The following TRABD2A variants were observed in gnomAD, a reference collection of about 807,000 sequenced individuals.
TRABD2A encodes metalloprotease TIKI1.
A neutral mutation model predicts 45.6 loss-of-function variants in TRABD2A; 43 were observed. That is an observed-to-expected ratio of 0.94 (90% CI 0.74 to 1.22). The LOEUF is 1.22. Ranked by LOEUF, TRABD2A falls within the 50% of genes most tolerant of loss-of-function variation. TRABD2A has a pLI of 0.00. For synonymous variants in TRABD2A, 269 were observed against 265.0 expected (o/e 1.02, Z -0.15); for missense variants, 642 against 652.4 (o/e 0.98, Z 0.17).
chr2:84,857,336 G>A (rs1268213517), intron 2 of TRABD2A, among the ~76,000 whole-genome samples: 4 of 152,158 alleles, frequency 2.6e-5, no homozygotes, highest in Non-Finnish European at 4.4e-5. Flanking sequence ...AACTTTTACT[G>A]CTTGGTAGGT....
At chr2:84,829,390 A>ACACAC (rs745663799) in intron 5 of TRABD2A, among the ~76,000 whole-genome samples, 12 of 108,698 alleles carry the variant, frequency 1.1e-4, no homozygotes, top group Non-Finnish European at 1.1e-4. Context: ...ACACACACAC[A>ACACAC]CACACACACC....
intron 5 of TRABD2A, among the ~76,000 whole-genome samples, chr2:84,826,557 G>A (rs1009623858): frequency 6.6e-6 from 1 of 152,184 alleles, no homozygotes; most frequent in African/African-American, 2.4e-5. Context: ...TTTTGAGATG[G>A]AGTCTTGCTC....
intron 2 of TRABD2A, among the ~76,000 whole-genome samples, chr2:84,864,272 C>G (rs561661983): frequency 6.6e-6 from 1 of 152,134 alleles, no homozygotes; most frequent in Non-Finnish European, 1.5e-5. Flanking sequence ...AGGCCCTTTG[C>G]TTTGAGTTAA....
At chr2:84,857,468 C>T (rs1396545643) in intron 2 of TRABD2A, among the ~76,000 whole-genome samples, 1 of 152,210 alleles carries the variant, frequency 6.6e-6, no homozygotes, top group Non-Finnish European at 1.5e-5. Context: ...ATAACCCACC[C>T]TTAACCGCAT....
intron 4 of TRABD2A, chr2:84,837,520 G>A (rs1201839146): frequency 6.6e-6 from 1 of 152,160 alleles, no homozygotes; most frequent in African/African-American, 2.4e-5. Flanking sequence ...CTTAGTCCCA[G>A]GTGCATTGTT....
At chr2:84,846,745 G>A in intron 2 of TRABD2A, among the ~76,000 whole-genome samples, 1 of 152,210 alleles carries the variant, frequency 6.6e-6, no homozygotes, top group South Asian at 2.1e-4. Context: ...GTTAAGCAAG[G>A]CAAAGCCCTC....
intron 1 of TRABD2A, among the ~76,000 whole-genome samples, chr2:84,878,342 T>G (rs576174026): frequency 1.3e-5 from 2 of 152,082 alleles, no homozygotes; most frequent in African/African-American, 2.4e-5. Flanking sequence ...CTGCTCAAGA[T>G]AGTGGAACCC....
intron 2 of TRABD2A, among the ~76,000 whole-genome samples, chr2:84,857,747 G>A (rs540817722): frequency 1.3e-5 from 2 of 152,230 alleles, no homozygotes; most frequent in Non-Finnish European, 2.9e-5. Flanking sequence ...TGACGGCCCG[G>A]GATCCCAGCA....
chr2:84,829,363 A>AACACACACACACAC (rs146287038), intron 5 of TRABD2A, among the ~76,000 whole-genome samples: 2 of 145,614 alleles, frequency 1.4e-5, no homozygotes, highest in Admixed American at 6.9e-5. Context: ...AACAACCAGC[A>AACACACACACACAC]ACACACACAC....
At chr2:84,878,391 G>A (rs1244250333) in intron 1 of TRABD2A, among the ~76,000 whole-genome samples, 1 of 152,146 alleles carries the variant, frequency 6.6e-6, no homozygotes, top group Non-Finnish European at 1.5e-5. Flanking sequence ...CGGGCTTGGT[G>A]GTGGGCGCCT....
chr2:84,824,238 G>C, intron 5 of TRABD2A, 34 bp from the exon 6 acceptor site: 1 of 1,612,304 alleles, frequency 6.2e-7, no homozygotes, highest in Non-Finnish European at 8.5e-7. Flanking sequence ...GTATTTGGAG[G>C]AGGGTCACAC....
At chr2:84,854,123 TAAC>T (rs1269004318) in intron 2 of TRABD2A, among the ~76,000 whole-genome samples, 2 of 151,538 alleles carry the variant, frequency 1.3e-5, no homozygotes, top group African/African-American at 4.8e-5. Context: ...AAATACAGTA[TAAC>T]AACTATTTAC....
At chr2:84,822,151 C>A (rs971786614) in intron 6 of TRABD2A, 51 bp from the exon 7 acceptor site, 10 of 1,469,102 alleles carry the variant, frequency 6.8e-6, no homozygotes, top group Non-Finnish European at 8.2e-6. Flanking sequence ...GAAACCACTG[C>A]ACACGCCAAG....
At chr2:84,853,506 C>CA (rs913337088) in intron 2 of TRABD2A, among the ~76,000 whole-genome samples, 4 of 152,160 alleles carry the variant, frequency 2.6e-5, no homozygotes, top group African/African-American at 9.7e-5. Flanking sequence ...CCCCATGATT[C>CA]AATTACCTCC....
At chr2:84,865,476 A>G (rs1682646258) in intron 2 of TRABD2A, among the ~76,000 whole-genome samples, 1 of 152,204 alleles carries the variant, frequency 6.6e-6, no homozygotes, top group Admixed American at 6.5e-5. Flanking sequence ...GCCTCTTAGG[A>G]TGTTGAAAGC....
At chr2:84,873,737 T>G (rs1202759394) in intron 1 of TRABD2A, among the ~76,000 whole-genome samples, 1 of 152,208 alleles carries the variant, frequency 6.6e-6, no homozygotes, top group Non-Finnish European at 1.5e-5. Flanking sequence ...AGGTAAGAAT[T>G]ATTACCTACA....
In TRABD2A at chr2:84,821,794, C is replaced by T; in HGVS notation, c.*123G>A. The T allele has an allele frequency of 9.4e-7, 1 of 1,060,180 alleles. No homozygotes were observed. The highest frequency in any genetic ancestry group is 1.3e-6 in the Non-Finnish European group (1 of 791,172). The allele number at this position is 1,060,180 out of a possible 1,614,324, so 65.7% of individuals were successfully genotyped here. A position where few individuals can be genotyped will look rare whatever the true frequency, so the allele number is the denominator to read the frequency against. ...TGGAAAGAGAAGAATCAACACTGGGCCGCTTTTTCAAGAGCAGTCTCTTCT... is the reference window on the plus strand; with the variant it reads ...TGGAAAGAGAAGAATCAACACTGGGTCGCTTTTTCAAGAGCAGTCTCTTCT... On this transcript the variant is annotated 3_prime_UTR_variant, in exon 7 of 7. Transcript: ENST00000409520.
At chr2:84,827,243 C>T (rs1053062491) in intron 5 of TRABD2A, among the ~76,000 whole-genome samples, 4 of 152,204 alleles carry the variant, frequency 2.6e-5, no homozygotes, top group African/African-American at 9.7e-5. Flanking sequence ...TTATTTGCCC[C>T]CTACCTGCAT....
chr2:84,870,491 G>C lies in TRABD2A; in HGVS notation c.403C>G (p.Pro135Ala). Residue 135 changes from proline (P) to alanine (A), a missense_variant, in exon 2 of 7, where the codon CCC (proline) becomes GCC (alanine). Transcript: ENST00000409520. ...RHLEYVKLMMPLWMTPDQRGK... is the reference protein window; with the variant it reads ...RHLEYVKLMMALWMTPDQRGK... ...CGCTGGTCTGGGGTCATCCACAAGG[G>C]CATCATGAGCTTGACATACTCCAGG... 6.2e-7 allele frequency: 1 copy of C among 1,614,020 alleles called. No homozygotes were observed. Among genetic ancestry groups the C allele is most frequent in the Middle Eastern group, 1.6e-4 (1 of 6,062 alleles).
Sources: allele counts gnomAD v4.1 joint callset (sites outside exome capture counted in the v4.1 genomes callset), GRCh38; gene constraint gnomAD v4.1.1; transcripts MANE v1.5; gene names NCBI Gene and HGNC (gene_info 2026-07-23, HGNC 2026-07-21).